Variants in CSPP1 observed in about 807,000 individuals in gnomAD.
The protein encoded by CSPP1 is centrosome and spindle pole-associated protein 1.
A neutral mutation model predicts 164.4 loss-of-function variants in CSPP1; 126 were observed. The ratio of observed to expected loss-of-function variants is 0.77; its 90% CI spans 0.66 to 0.89. The LOEUF (loss-of-function observed/expected upper bound fraction) is 0.89, where lower values mean the gene tolerates loss of function less well. Among genes scored for constraint, CSPP1 ranks in the 40% least tolerant of loss-of-function variants. CSPP1 has a pLI of 0.00. For synonymous variants in CSPP1, 472 were observed against 476.7 expected (o/e 0.99, Z 0.13); for missense variants, 1,395 against 1,449.8 (o/e 0.96, Z 0.61).
rs534592822 is a variant in CSPP1 at position 67,184,510 on chromosome 8, G to C, written c.3220+4584G>C. Among the ~76,000 whole-genome samples, 85 of 152,012 alleles carry C rather than the reference G, an allele frequency of 5.6e-4. 1 individual carries two copies. Among genetic ancestry groups the C allele is most frequent in the Middle Eastern group, 3.4e-3 (1 of 294 alleles). ...CCCAGTACTTTGGGAGGCTGAGGTG[G>C]GCGGATCACCTGAAGTCAGGAGTTC... is the stretch of plus-strand genomic sequence containing the variant. On this transcript the variant is annotated intron_variant, in intron 28 of 30. Transcript: ENST00000678616.
intron 15 of CSPP1, among the ~76,000 whole-genome samples, chr8:67,121,332 A>G (rs535805446): frequency 6.6e-6 from 1 of 152,198 alleles, no homozygotes; most frequent in Non-Finnish European, 1.5e-5. Context: ...TATAGCTTTT[A>G]TTATGTTGAG....
intron 12 of CSPP1, chr8:67,115,098 T>A (rs1817664073): frequency 6.6e-6 from 1 of 152,256 alleles, no homozygotes; most frequent in Non-Finnish European, 1.5e-5. Context: ...GCACCATAGC[T>A]GAGTCTGCTC....
At chr8:67,096,139 C>T (rs563453597) in intron 7 of CSPP1, among the ~76,000 whole-genome samples, 1 of 152,344 alleles carries the variant, frequency 6.6e-6, no homozygotes, top group Admixed American at 6.5e-5. Flanking sequence ...CGAATTCATA[C>T]TGCCAGTAGC....
chr8:67,078,232 CCTTAT>C (rs1282275731), intron 3 of CSPP1, among the ~76,000 whole-genome samples: 3 of 152,056 alleles, frequency 2.0e-5, no homozygotes, highest in African/African-American at 7.2e-5. Flanking sequence ...CACTTTGTTT[CCTTAT>C]CTTATGACAT....
At chr8:67,127,185 G>A (rs1328872677) in intron 15 of CSPP1, among the ~76,000 whole-genome samples, 1 of 152,172 alleles carries the variant, frequency 6.6e-6, no homozygotes, top group East Asian at 1.9e-4. Context: ...TCCTGGGATT[G>A]TTCCAAGCCT....
At chr8:67,102,586 C>T (rs1042252922) in intron 7 of CSPP1, among the ~76,000 whole-genome samples, 3 of 151,374 alleles carry the variant, frequency 2.0e-5, no homozygotes. Context: ...AAGACTCCGT[C>T]TCAAAAAAAA....
intron 18 of CSPP1, among the ~76,000 whole-genome samples, chr8:67,152,331 C>A (rs866790420): frequency 1.3e-5 from 2 of 152,082 alleles, no homozygotes; most frequent in Middle Eastern, 6.8e-3. Flanking sequence ...GTTTCCTTAT[C>A]CTCTAATATT....
At chr8:67,168,472 T>C (rs889474671) in intron 24 of CSPP1, among the ~76,000 whole-genome samples, 3 of 152,226 alleles carry the variant, frequency 2.0e-5, no homozygotes, top group African/African-American at 4.8e-5. Flanking sequence ...TTGAAAATTA[T>C]ACATGATAAT....
intron 24 of CSPP1, among the ~76,000 whole-genome samples, chr8:67,166,396 TCTGA>T (rs1829311375): frequency 6.6e-6 from 1 of 152,258 alleles, no homozygotes; most frequent in African/African-American, 2.4e-5. Flanking sequence ...TATGCTGATG[TCTGA>T]CTGTAATCCA....
At chr8:67,159,956 T>TC (rs199664014) in intron 21 of CSPP1, among the ~76,000 whole-genome samples, 7 of 17,726 alleles carry the variant, frequency 3.9e-4, no homozygotes, top group South Asian at 5.2e-3. Flanking sequence ...CTTCCTTCCT[T>TC]CTTTCTTTTC....
Position 67,118,377 on chromosome 8 carries a change from A to G in CSPP1, c.1618+8A>G, listed in dbSNP as rs750390846. ...ATCCCAGTCTTGCTTATTGTAAGTTATCTATAGGGTAAGCATTTTCTCCCC... is the reference window on the plus strand; with the variant it reads ...ATCCCAGTCTTGCTTATTGTAAGTTGTCTATAGGGTAAGCATTTTCTCCCC... On this transcript the variant is annotated splice_region_variant and intron_variant, in intron 14 of 30. Coordinates refer to ENST00000678616, the MANE Select transcript of CSPP1 (RefSeq NM_001382391.1). The G allele has an allele frequency of 2.2e-5, 36 of 1,613,332 alleles. No homozygotes were observed. The highest frequency in any genetic ancestry group is 1.7e-4 in the Middle Eastern group (1 of 6,058).
At chr8:67,068,030 A>T (rs1464029339) in intron 1 of CSPP1, among the ~76,000 whole-genome samples, 1 of 151,860 alleles carries the variant, frequency 6.6e-6, no homozygotes, top group African/African-American at 2.4e-5. Context: ...TTGTATTTTT[A>T]GTGGAGATGG....
chr8:67,099,984 TAAAC>T (rs906060536), intron 7 of CSPP1, among the ~76,000 whole-genome samples: 3 of 152,154 alleles, frequency 2.0e-5, no homozygotes, highest in African/African-American at 7.2e-5. Flanking sequence ...TTAAAAAAGA[TAAAC>T]AAATCATATG....
chr8:67,104,966 ATT>A (rs1166551719), intron 8 of CSPP1, among the ~76,000 whole-genome samples: 18 of 60,726 alleles, frequency 3.0e-4, no homozygotes, highest in Admixed American at 6.0e-4. Context: ...ATATATATAT[ATT>A]TTTTTTTTTT....
intron 17 of CSPP1, among the ~76,000 whole-genome samples, chr8:67,145,909 C>T (rs1824450000): frequency 6.6e-6 from 1 of 152,030 alleles, no homozygotes; most frequent in Admixed American, 6.6e-5. Context: ...CTACACATTT[C>T]CCTCTGAGTA....
chr8:67,094,882 C>G (rs1225648822), intron 6 of CSPP1, among the ~76,000 whole-genome samples: 1 of 152,144 alleles, frequency 6.6e-6, no homozygotes, highest in African/African-American at 2.4e-5. Flanking sequence ...TTCTATCACC[C>G]TAGACTAGTT....
chr8:67,064,457 A>C lies in CSPP1; in HGVS notation c.-92A>C, dbSNP rs749520684. 1 of 1,613,916 alleles carries C rather than the reference A, an allele frequency of 6.2e-7. No individual in the cohort carries two copies. The highest frequency in any genetic ancestry group is 8.5e-7 in the Non-Finnish European group (1 of 1,179,898). On this transcript the variant is annotated 5_prime_UTR_variant, in exon 1 of 31. Transcript: ENST00000678616. ...TCTTCGGTCCGCGACGATCCTCTAG[A>C]GCACTGTGTGTCTCCCCGGACGCGA...
chr8:67,118,809 CACAA>C lies in CSPP1; in HGVS notation c.1686_1689del (p.Gln563LeufsTer3). ...AGTGCTCCTGTCACCCACCAACTAG[CACAA>C]CCTGTTGTGTAAGTTATTAGTTAAA... is the stretch of plus-strand genomic sequence containing the variant. On this transcript the variant is annotated frameshift_variant, in exon 15 of 31. Transcript: ENST00000678616. LOFTEE classifies it high-confidence loss of function. 1 of 1,607,428 alleles carries C rather than the reference CACAA, an allele frequency of 6.2e-7. No individual in the cohort carries two copies. Among genetic ancestry groups the C allele is most frequent in the Non-Finnish European group, 8.5e-7 (1 of 1,174,138 alleles).
At chr8:67,099,996 A>G (rs1452204406) in intron 7 of CSPP1, among the ~76,000 whole-genome samples, 2 of 152,136 alleles carry the variant, frequency 1.3e-5, no homozygotes, top group African/African-American at 2.4e-5. Flanking sequence ...AACAAATCAT[A>G]TGTCATTTCA....
Sources: allele counts gnomAD v4.1 joint callset (sites outside exome capture counted in the v4.1 genomes callset), GRCh38; gene constraint gnomAD v4.1.1; transcripts MANE v1.5; gene names NCBI Gene and HGNC (gene_info 2026-07-23, HGNC 2026-07-21).